The following ADGRL1 variants were observed in gnomAD, a reference collection of about 807,000 sequenced individuals.
The protein encoded by ADGRL1 is adhesion G protein-coupled receptor L1, also known as CIRL-1.
Under a neutral mutation model 148.9 loss-of-function variants are expected in ADGRL1, and 31 were observed. The ratio of observed to expected loss-of-function variants is 0.21; its 90% CI spans 0.16 to 0.28. The LOEUF is 0.28. Among genes scored for constraint, ADGRL1 ranks in the 10% least tolerant of loss-of-function variants. The pLI, the probability that ADGRL1 is intolerant of heterozygous loss-of-function variation, is 1.00. For synonymous variants in ADGRL1, 937 were observed against 900.3 expected (o/e 1.04, Z -0.73); for missense variants, 1,521 against 2,058.8 (o/e 0.74, Z 5.05).
At chr19:14,203,178 T>C (rs546098773) in intron 1 of ADGRL1, among the ~76,000 whole-genome samples, 1 of 151,964 alleles carries the variant, frequency 6.6e-6, no homozygotes, top group East Asian at 1.9e-4. Context: ...AACCCCCGCC[T>C]CAGGAGCCCC....
At position 14,157,024 on chromosome 19, in the gene ADGRL1, G is replaced by A. The variant is rs1968836606; in HGVS notation, c.2867C>T (p.Ser956Phe). 1 of 1,613,980 alleles carries A rather than the reference G, an allele frequency of 6.2e-7. No individual in the cohort carries two copies. The highest frequency in any genetic ancestry group is 8.5e-7 in the Non-Finnish European group (1 of 1,179,952). Reference protein sequence around the residue: ...LLVEVFESEYSRTKYYYLGGY... With the variant: ...LLVEVFESEYFRTKYYYLGGY... ...ACCCAGGTAGTAGTACTTGGTGCGGGAATACTCGCTCTCAAACACCTCCAC... is the reference window on the plus strand; with the variant it reads ...ACCCAGGTAGTAGTACTTGGTGCGGAAATACTCGCTCTCAAACACCTCCAC... The change falls in exon 15 of 23, where the codon TCC (serine) becomes TTC (phenylalanine). Residue 956 changes from serine (S) to phenylalanine (F), a missense_variant. Physicochemically the swap from Ser to Phe is radical, Grantham distance 155. Around this residue, in one of 8 missense-constraint regions of ADGRL1, gnomAD observed 185 missense variants for 251.7 expected, o/e 0.74. Coordinates refer to ENST00000361434, the MANE Select transcript of ADGRL1 (RefSeq NM_014921.5). This position sits in a 1 kb window ranked among gnomAD's most constrained non-coding sequence, Gnocchi z 7.5.
At chr19:14,205,872 G>A (rs1405927773) in intron 1 of ADGRL1, 113 bp downstream of exon 1, 1 of 150,900 alleles carries the variant, frequency 6.6e-6, no homozygotes, top group African/African-American at 2.4e-5. Context: ...CTCCCCCCTC[G>A]CGGCCAGGAC....
intron 2 of ADGRL1, among the ~76,000 whole-genome samples, chr19:14,181,612 C>T (rs1025860626): frequency 5.3e-5 from 8 of 151,960 alleles, no homozygotes; most frequent in East Asian, 1.9e-4. Flanking sequence ...CCCAGCTACT[C>T]GGGAGGCTGA....
At position 14,155,552 on chromosome 19, in the gene ADGRL1, CAA is replaced by C. The variant is rs760853738; in HGVS notation, c.3126-27_3126-26del. The stretch of plus-strand genomic sequence containing the variant: ...TCTGGGAGTGGGGCGACAGGGGAGT[CAA>C]AGTACCCGCCGGAGGGGACGGCCTC... On this transcript the variant is annotated intron_variant, in intron 17 of 22. Transcript: ENST00000361434. The surrounding 1 kb of genome is among the most constrained non-coding windows in gnomAD (Gnocchi z 5.0). 6.8e-6 allele frequency: 11 copies of C among 1,611,742 alleles called. No individual in the cohort carries two copies. The highest frequency in any genetic ancestry group is 1.7e-4 in the Middle Eastern group (1 of 5,952).
rs1962141110 is a variant in ADGRL1 at position 14,183,707 on chromosome 19, G to A, written c.-95-10C>T. 1 of 1,020,992 alleles carries A rather than the reference G, an allele frequency of 9.8e-7. No individual in the cohort carries two copies. The highest frequency in any genetic ancestry group is 1.6e-5 in the South Asian group (1 of 64,012). 63.2% of individuals were successfully genotyped at this position (1,020,992 alleles called of 1,614,324 possible). ...GGCCTGGACCACCAGCCTGGGGGAG[G>A]ACAGGGAGACTGAGGTGGGGATAGG... On this transcript the variant is annotated splice_polypyrimidine_tract_variant and intron_variant, in intron 1 of 22. Transcript: ENST00000361434.
Position 14,155,262 on chromosome 19 carries a change from G to T in ADGRL1, c.3294+97C>A. ...TGCAGCACTCACTGGGGGCTTGAGG[G>T]AGCCCCTGAGTCCCCTCCACCCTCG... On this transcript the variant is annotated intron_variant, in intron 18 of 22. Coordinates refer to ENST00000361434, the MANE Select transcript of ADGRL1 (RefSeq NM_014921.5). The surrounding 1 kb of genome is among the most constrained non-coding windows in gnomAD (Gnocchi z 5.0). The T allele has an allele frequency of 1.4e-6, 2 of 1,385,376 alleles. No homozygotes were observed. Among genetic ancestry groups the T allele is most frequent in the Non-Finnish European group, 1.0e-6 (1 of 1,004,992 alleles). 85.8% of individuals were successfully genotyped at this position (1,385,376 alleles called of 1,614,324 possible).
chr19:14,156,858 G>T, intron 15 of ADGRL1, 67 bp downstream of exon 15: 1 of 1,565,022 alleles, frequency 6.4e-7, no homozygotes. Flanking sequence ...TGAGGGTCCT[G>T]GTCCAAGGGG....
intron 1 of ADGRL1, among the ~76,000 whole-genome samples, chr19:14,202,854 G>A (rs1221654998): frequency 1.3e-5 from 2 of 151,828 alleles, no homozygotes; most frequent in African/African-American, 4.8e-5. Flanking sequence ...AGCACAGGAG[G>A]GACCTTTATG....
At position 14,155,269 on chromosome 19, in the gene ADGRL1, T is replaced by C. The variant is rs551800795; in HGVS notation, c.3294+90A>G. ...CTCACTGGGGGCTTGAGGGAGCCCC[T>C]GAGTCCCCTCCACCCTCGCCGCCTT... On this transcript the variant is annotated intron_variant, in intron 18 of 22. Transcript: ENST00000361434. The surrounding 1 kb of genome is among the most constrained non-coding windows in gnomAD (Gnocchi z 5.0). The C allele has an allele frequency of 1.0e-5, 15 of 1,469,514 alleles. No individual in the cohort carries two copies. The African/African-American group carries it at 2.0e-4, about 19-fold the overall frequency. 91.0% of individuals were successfully genotyped at this position (1,469,514 alleles called of 1,614,324 possible).
rs758468512 is a variant in ADGRL1 at position 14,148,043 on chromosome 19, A to T, written c.*2830T>A. The T allele has an allele frequency of 6.6e-6, 1 of 152,234 alleles. No individual in the cohort carries two copies. The highest frequency in any genetic ancestry group is 1.5e-5 in the Non-Finnish European group (1 of 67,936). 9.4% of individuals were successfully genotyped at this position (152,234 alleles called of 1,614,324 possible). On this transcript the variant is annotated 3_prime_UTR_variant, in exon 23 of 23. Coordinates refer to ENST00000361434, the MANE Select transcript of ADGRL1 (RefSeq NM_014921.5). ...TTGGAGACAGAGAAAGGGGAAGGCA[A>T]GGGAAAGCCAAAAGAAACCAAAATC...
chr19:14,170,407 T>TAA (rs1970364720), intron 4 of ADGRL1: 1 of 369,542 alleles, frequency 2.7e-6, no homozygotes, highest in African/African-American at 2.1e-5. Flanking sequence ...GAGTATAGGG[T>TAA]GCATGAAGAA....
At chr19:14,200,936 G>A (rs944731716) in intron 1 of ADGRL1, among the ~76,000 whole-genome samples, 1 of 152,234 alleles carries the variant, frequency 6.6e-6, no homozygotes, top group African/African-American at 2.4e-5. Flanking sequence ...CTACTCTACA[G>A]CCATCACTGC....
chr19:14,163,497 A>AGG lies in ADGRL1; in HGVS notation c.395-93_395-92dup, dbSNP rs879509404. On this transcript the variant is annotated intron_variant, in intron 4 of 22. Coordinates refer to ENST00000361434, the MANE Select transcript of ADGRL1 (RefSeq NM_014921.5). Reference sequence around the variant, plus strand: ...GAGAGAGAGAGAGAGAGAGAGAGAGAGGGGGGAGAGAGGCAAGTTGGTCAC... The same window carrying AGG: ...GAGAGAGAGAGAGAGAGAGAGAGAGAGGGGGGGGAGAGAGGCAAGTTGGTCAC... The AGG allele has an allele frequency of 5.5e-4, 393 of 720,234 alleles. 1 individual carries two copies. Among genetic ancestry groups the AGG allele is most frequent in the African/African-American group, 1.5e-3 (69 of 46,744 alleles). The allele number at this position is 720,234 out of a possible 1,614,324, so 44.6% of individuals were successfully genotyped here.
In ADGRL1 at chr19:14,160,502, C is replaced by T. The variant is rs554317597; in HGVS notation, c.1614+91G>A. 1.9e-6 allele frequency: 2 copies of T among 1,036,096 alleles called. No individual in the cohort carries two copies. Among genetic ancestry groups the T allele is most frequent in the East Asian group, 5.1e-5 (2 of 39,058 alleles). 64.2% of individuals were successfully genotyped at this position (1,036,096 alleles called of 1,614,324 possible). A position where few individuals can be genotyped will look rare whatever the true frequency, so the allele number is the denominator to read the frequency against. ...GTCCTGCCTTCCAGACCTGCCAGCC[C>T]ATGTCTCCCCAGCTGCTCCACGACC... is the stretch of plus-strand genomic sequence containing the variant. On this transcript the variant is annotated intron_variant, in intron 7 of 22. Coordinates refer to ENST00000361434, the MANE Select transcript of ADGRL1 (RefSeq NM_014921.5). This position sits in a 1 kb window ranked among gnomAD's most constrained non-coding sequence, Gnocchi z 5.9.
rs980827118 is a variant in ADGRL1 at position 14,159,391 on chromosome 19, T to C, written c.2023+10A>G. 9 of 1,602,280 alleles carry C rather than the reference T, an allele frequency of 5.6e-6. No homozygotes were observed. Among genetic ancestry groups the C allele is most frequent in the Non-Finnish European group, 7.7e-6 (9 of 1,172,390 alleles). ...TATCTGAGTTTGCCCTGGGTGACTG[T>C]GGCACTCACCCACGTTCTCCTTGGC... On this transcript the variant is annotated intron_variant, in intron 10 of 22. Transcript: ENST00000361434. The surrounding 1 kb of genome is among the most constrained non-coding windows in gnomAD (Gnocchi z 6.0).
At chr19:14,187,475 C>A (rs1342717058) in intron 1 of ADGRL1, among the ~76,000 whole-genome samples, 3 of 150,822 alleles carry the variant, frequency 2.0e-5, no homozygotes, top group Admixed American at 2.0e-4. Context: ...CTGAACACCC[C>A]CTCTCCAGCC....
intron 3 of ADGRL1, 53 bp downstream of exon 3, chr19:14,177,478 C>T (rs1236921034): frequency 1.3e-6 from 2 of 1,511,530 alleles, no homozygotes; most frequent in Admixed American, 3.4e-5. Context: ...GGCAGGTGTG[C>T]AGTGCTTTTA....
At chr19:14,189,400 T>C (rs753427385) in intron 1 of ADGRL1, among the ~76,000 whole-genome samples, 6 of 152,114 alleles carry the variant, frequency 3.9e-5, no homozygotes, top group African/African-American at 4.8e-5. Context: ...TGGCTAACTT[T>C]TGTATTTTTT....
Position 14,152,256 on chromosome 19 carries a change from T to C in ADGRL1, c.3649+53A>G, listed in dbSNP as rs1311374686. 1.9e-6 allele frequency: 3 copies of C among 1,612,698 alleles called. No homozygotes were observed. Among genetic ancestry groups the C allele is most frequent in the Non-Finnish European group, 2.5e-6 (3 of 1,179,088 alleles). On this transcript the variant is annotated intron_variant, in intron 21 of 22. Transcript: ENST00000361434. This position sits in a 1 kb window ranked among gnomAD's most constrained non-coding sequence, Gnocchi z 6.1. Reference sequence around the variant, plus strand: ...CAGAACATCCCATGCAGAGGTCCCTTGGGACACAAACCCTCCATTTCCCAA... The same window carrying C: ...CAGAACATCCCATGCAGAGGTCCCTCGGGACACAAACCCTCCATTTCCCAA...
Sources: allele counts gnomAD v4.1 joint callset (sites outside exome capture counted in the v4.1 genomes callset), GRCh38; gene constraint gnomAD v4.1.1; regional missense constraint gnomAD v4.1.1; non-coding constraint Gnocchi (gnomAD v3.1); transcripts MANE v1.5; gene names NCBI Gene and HGNC (gene_info 2026-07-23, HGNC 2026-07-21).